Variants in PHACTR2 observed in about 807,000 individuals in gnomAD.
PHACTR2 encodes the protein phosphatase and actin regulator 2, also known as chromosome 6 open reading frame 56.
PHACTR2 carries 30 observed loss-of-function variants against 76.0 expected under a neutral mutation model. That is an observed-to-expected ratio of 0.39 (90% CI 0.30 to 0.54). PHACTR2 has a LOEUF of 0.54. Among genes scored for constraint, PHACTR2 ranks in the 20% least tolerant of loss-of-function variants. The pLI is 0.61. For synonymous variants in PHACTR2, 292 were observed against 292.5 expected (o/e 1.00, Z 0.02); for missense variants, 696 against 781.1 (o/e 0.89, Z 1.30).
chr6:143,796,191 C>T (rs1775816730), intron 11 of PHACTR2, among the ~76,000 whole-genome samples: 1 of 152,172 alleles, frequency 6.6e-6, no homozygotes, highest in African/African-American at 2.4e-5. Context: ...GATGCCTTAG[C>T]AGCAGAAGGG....
At position 143,816,050 on chromosome 6, in the gene PHACTR2, A is replaced by T. The variant is rs981076428; in HGVS notation, c.1923-7624A>T. Among the ~76,000 whole-genome samples, 1 of 152,216 alleles carries T rather than the reference A, an allele frequency of 6.6e-6. No individual in the cohort carries two copies. Among genetic ancestry groups the T allele is most frequent in the Admixed American group, 6.5e-5 (1 of 15,282 alleles). ...CCTCCCTCTCAACAGTATGAAAATA[A>T]GAAAAAATGTATTGCAGTTTTAAAA... On this transcript the variant is annotated intron_variant, in intron 12 of 12. Coordinates refer to ENST00000440869, the MANE Select transcript of PHACTR2 (RefSeq NM_001100164.2). The surrounding 1 kb of genome is among the most constrained non-coding windows in gnomAD (Gnocchi z 4.5).
rs1456152878 is a variant in PHACTR2 at position 143,585,379 on chromosome 6, G to T, written c.217+48172G>T. On this transcript the variant is annotated intron_variant, in intron 1 of 11. Coordinates refer to the PHACTR2 transcript ENST00000367584. This position sits in a 1 kb window ranked among gnomAD's most constrained non-coding sequence, Gnocchi z 5.2. Reference sequence around the variant, plus strand: ...CCAGTCTTCAGGGAAAGAATGACTTGGCCAGGGCCAAATCTCAGTTAAAAT... The same window carrying T: ...CCAGTCTTCAGGGAAAGAATGACTTTGCCAGGGCCAAATCTCAGTTAAAAT... 6.6e-6 allele frequency among the ~76,000 whole-genome samples: 1 copy of T among 152,210 alleles called. No homozygotes were observed. The highest frequency in any genetic ancestry group is 2.4e-5 in the African/African-American group (1 of 41,452).
intron 1 of PHACTR2, among the ~76,000 whole-genome samples, chr6:143,545,764 A>G (rs1027981025): frequency 6.6e-6 from 1 of 152,190 alleles, no homozygotes; most frequent in Non-Finnish European, 1.5e-5. Context: ...AACAGAGGGA[A>G]AATCGCATTA....
chr6:143,711,322 G>A (rs575728697), intron 1 of PHACTR2, among the ~76,000 whole-genome samples: 24 of 152,272 alleles, frequency 1.6e-4, no homozygotes, highest in African/African-American at 5.3e-4. Flanking sequence ...ATAAGTCATT[G>A]CTATCTTCTG....
chr6:143,669,700 CT>C (rs140729663), intron 1 of PHACTR2, among the ~76,000 whole-genome samples: 86 of 149,282 alleles, frequency 5.8e-4, no homozygotes, highest in African/African-American at 1.8e-3. Context: ...GCAACCCCTG[CT>C]TTTTTTTTTC....
At chr6:143,771,396 T>C (rs1055263727) in intron 6 of PHACTR2, among the ~76,000 whole-genome samples, 3 of 147,810 alleles carry the variant, frequency 2.0e-5, no homozygotes, top group African/African-American at 7.4e-5. Context: ...CCAGCTAATT[T>C]TTTATTATTT....
rs990306710 is a variant in PHACTR2 at position 143,819,514 on chromosome 6, G to A, written c.1923-4160G>A. 4.6e-5 allele frequency among the ~76,000 whole-genome samples: 7 copies of A among 152,226 alleles called. No homozygotes were observed. Among genetic ancestry groups the A allele is most frequent in the East Asian group, 1.9e-4 (1 of 5,178 alleles). ...CTGAGAAGTCCCAGAACAGGCTGTC[G>A]GCAACCTGGAGACCCTGAGATGCTG... On this transcript the variant is annotated intron_variant, in intron 12 of 12. Coordinates refer to ENST00000440869, the MANE Select transcript of PHACTR2 (RefSeq NM_001100164.2). The surrounding 1 kb of genome is among the most constrained non-coding windows in gnomAD (Gnocchi z 5.0).
chr6:143,543,908 T>C lies in PHACTR2; in HGVS notation c.217+6701T>C, dbSNP rs952769233. On this transcript the variant is annotated intron_variant, in intron 1 of 11. Coordinates refer to the PHACTR2 transcript ENST00000367584. This position sits in a 1 kb window ranked among gnomAD's most constrained non-coding sequence, Gnocchi z 4.7. ...GTAGAAAGAGCACAGACAACTGAGA[T>C]TGGGACTGTCAGGGCTCAGAAAACA... 6.6e-6 allele frequency among the ~76,000 whole-genome samples: 1 copy of C among 152,106 alleles called. No homozygotes were observed. The highest frequency in any genetic ancestry group is 2.4e-5 in the African/African-American group (1 of 41,404).
chr6:143,590,018 T>C (rs1775672086), intron 1 of PHACTR2, among the ~76,000 whole-genome samples: 1 of 152,170 alleles, frequency 6.6e-6, no homozygotes, highest in African/African-American at 2.4e-5. Flanking sequence ...TACAGAATAT[T>C]ATAGTCACGA....
At chr6:143,798,046 CATTT>C (rs1221305824) in intron 11 of PHACTR2, among the ~76,000 whole-genome samples, 3 of 152,122 alleles carry the variant, frequency 2.0e-5, no homozygotes, top group Admixed American at 1.3e-4. Flanking sequence ...AATGTTTTTC[CATTT>C]GTTTCTGTCC....
Position 143,765,754 on chromosome 6 carries a change from C to T in PHACTR2, c.1188C>T (p.Leu396=), listed in dbSNP as rs777331086. 1.2e-6 allele frequency: 2 copies of T among 1,614,064 alleles called. No individual in the cohort carries two copies. The highest frequency in any genetic ancestry group is 1.3e-5 in the African/African-American group (1 of 74,932). ...WAEEPTNRTT[L]YSGTGLSVNR... ...AAGAGCCGACGAACAGAACCACTCT[C>T]TACTCAGGCACTGGCTTAAGTGTTA... The change falls in exon 6 of 13, where the codon CTC becomes CTT. Residue 396 remains leucine (L), a synonymous_variant. Coordinates refer to ENST00000440869, the MANE Select transcript of PHACTR2 (RefSeq NM_001100164.2). This position sits in a 1 kb window ranked among gnomAD's most constrained non-coding sequence, Gnocchi z 4.1.
At position 143,784,172 on chromosome 6, in the gene PHACTR2, C is replaced by T. The variant is rs2128478278; in HGVS notation, c.1707+892C>T. On this transcript the variant is annotated intron_variant, in intron 10 of 12. Transcript: ENST00000440869. The surrounding 1 kb of genome is among the most constrained non-coding windows in gnomAD (Gnocchi z 4.5). ...ATTTGTTACTCCTGAAGATTTCCCA[C>T]TATTCCACATCACAGCTGGGTAAGT... Among the ~76,000 whole-genome samples the T allele has an allele frequency of 6.6e-6, 1 of 152,304 alleles. No homozygotes were observed. Among genetic ancestry groups the T allele is most frequent in the Non-Finnish European group, 1.5e-5 (1 of 68,026 alleles).
intron 2 of PHACTR2, among the ~76,000 whole-genome samples, chr6:143,720,791 T>C (rs973992032): frequency 6.6e-6 from 1 of 152,068 alleles, no homozygotes; most frequent in African/African-American, 2.4e-5. Context: ...TTTTGTGTTA[T>C]TTGTGGAGAC....
chr6:143,747,503 C>CA (rs1779092319), intron 2 of PHACTR2, among the ~76,000 whole-genome samples: 1 of 152,200 alleles, frequency 6.6e-6, no homozygotes, highest in Admixed American at 6.5e-5. Flanking sequence ...AGTGTTATCA[C>CA]CTGCTCCCTT....
chr6:143,677,742 A>G (rs1200214996), upstream of PHACTR2, among the ~76,000 whole-genome samples: 1 of 152,216 alleles, frequency 6.6e-6, no homozygotes, highest in Non-Finnish European at 1.5e-5. Flanking sequence ...CGTAAGGATC[A>G]TTTGACTTTG....
In PHACTR2 at chr6:143,537,206, A is replaced by T; in HGVS notation, c.216A>T (p.Ser72=). The change falls in exon 1 of 12, where the codon TCA becomes TCT. Residue 72 remains serine (S), a splice_region_variant and synonymous_variant. Transcript: ENST00000367584. The surrounding 1 kb of genome is among the most constrained non-coding windows in gnomAD (Gnocchi z 4.4). ...CGCTCCGGGTCCACATCTCCGGCTC[A>T]GGTAAGAGCGGCTCGGGGCGCGGGC... is the stretch of plus-strand genomic sequence containing the variant. 3.9e-6 allele frequency: 1 copy of T among 256,308 alleles called. No individual in the cohort carries two copies. Among genetic ancestry groups the T allele is most frequent in the Non-Finnish European group, 7.7e-6 (1 of 130,246 alleles). The allele number at this position is 256,308 out of a possible 1,614,324, so 15.9% of individuals were successfully genotyped here. A position where few individuals can be genotyped will look rare whatever the true frequency, so the allele number is the denominator to read the frequency against.
intron 2 of PHACTR2, among the ~76,000 whole-genome samples, chr6:143,724,315 G>T (rs914475297): frequency 1.3e-5 from 2 of 151,962 alleles, no homozygotes; most frequent in Non-Finnish European, 2.9e-5. Context: ...TGTATTTTTA[G>T]TAGAGACGGG....
rs1277605666 is a variant in PHACTR2, at chr6:143,807,173, A to T, written c.1922+40A>T. Reference sequence around the variant, plus strand: ...GCAGCTTAGAAATTGAAAATGCTTAAGATGTGATCCCATGTTGAGTTGGTT... The same window carrying T: ...GCAGCTTAGAAATTGAAAATGCTTATGATGTGATCCCATGTTGAGTTGGTT... On this transcript the variant is annotated intron_variant, in intron 12 of 12. Transcript: ENST00000440869. This position sits in a 1 kb window ranked among gnomAD's most constrained non-coding sequence, Gnocchi z 5.5. 8.4e-7 allele frequency: 1 copy of T among 1,188,194 alleles called. No homozygotes were observed. Among genetic ancestry groups the T allele is most frequent in the Admixed American group, 1.9e-5 (1 of 52,484 alleles). 73.6% of individuals were successfully genotyped at this position (1,188,194 alleles called of 1,614,324 possible).
chr6:143,772,426 C>T lies in PHACTR2; in HGVS notation c.1401C>T (p.Asp467=), dbSNP rs577743705. 1.3e-5 allele frequency: 21 copies of T among 1,613,886 alleles called. No homozygotes were observed. Among genetic ancestry groups the T allele is most frequent in the Middle Eastern group, 1.6e-4 (1 of 6,062 alleles). The stretch of plus-strand genomic sequence containing the variant: ...CTATCTTGTACACCGATGATGAGGA[C>T]GAAGACGAAGATGAGGATGGCAGTG... ...DGPILYTDDE[D]EDEDEDGSGE... is the part of the protein sequence containing the mutation. Residue 467 remains aspartate, a synonymous_variant, in exon 7 of 13, where the codon GAC becomes GAT. Transcript: ENST00000440869. The surrounding 1 kb of genome is among the most constrained non-coding windows in gnomAD (Gnocchi z 5.4).
Sources: gnomAD v4.1 joint callset for allele counts (sites outside exome capture counted in the v4.1 genomes callset) on GRCh38, gnomAD v4.1.1 for gene constraint, Gnocchi (gnomAD v3.1) non-coding constraint, MANE v1.5 for transcripts, NCBI Gene and HGNC (gene_info 2026-07-23, HGNC 2026-07-21) for gene names.